The following FHIT variants were observed in gnomAD, a reference collection of about 807,000 sequenced individuals.
FHIT encodes the protein bis(5'-adenosyl)-triphosphatase.
In FHIT, 19 loss-of-function variants were observed where a neutral mutation model predicts 17.9. That is an observed-to-expected ratio of 1.06 (90% CI 0.74 to 1.56). The LOEUF (loss-of-function observed/expected upper bound fraction) is 1.56. FHIT is among the 40% of genes most tolerant of loss of function. The pLI is 0.00. For missense variants in FHIT, 248 were observed against 189.2 expected (o/e 1.31, Z -1.82); for synonymous variants, 81 against 69.7 (o/e 1.16, Z -0.81).
chr3:60,322,135 AACAGCTT>A (rs1342551569), intron 5 of FHIT, among the ~76,000 whole-genome samples: 1 of 152,236 alleles, frequency 6.6e-6, no homozygotes, highest in Non-Finnish European at 1.5e-5. Flanking sequence ...CCGTGGGCCC[AACAGCTT>A]ATTTTCATTA....
At chr3:60,361,753 T>C (rs976665515) in intron 5 of FHIT, among the ~76,000 whole-genome samples, 1 of 152,124 alleles carries the variant, frequency 6.6e-6, no homozygotes, top group East Asian at 1.9e-4. Flanking sequence ...CTTAGACCAT[T>C]TGAAATAAAA....
Position 60,129,049 on chromosome 3 carries a change from G to GTTGTTTTTTTTTTTTTT in FHIT, c.104-114898_104-114897insAAAAAAAAAAAAAACAA, listed in dbSNP as rs759645654. Among the ~76,000 whole-genome samples the GTTGTTTTTTTTTTTTTT allele has an allele frequency of 1.7e-5, 2 of 121,042 alleles. 1 individual carries two copies. 79.4% of individuals were successfully genotyped at this position (121,042 alleles called of 152,430 possible). ...TTTCCCTTTTCTTCTTTCCTTTTTT[G>GTTGTTTTTTTTTTTTTT]TTTGTTTTTTTTTTTTTTTTTGAAA... On this transcript the variant is annotated intron_variant, in intron 5 of 9. Transcript: ENST00000492590.
intron 5 of FHIT, among the ~76,000 whole-genome samples, chr3:60,108,954 T>A (rs530930579): frequency 1.3e-5 from 2 of 152,174 alleles, no homozygotes; most frequent in African/African-American, 4.8e-5. Context: ...TGAGCCACCA[T>A]GCCCAGCCAT....
chr3:60,549,372 T>C (rs2036472074), intron 4 of FHIT, among the ~76,000 whole-genome samples: 1 of 152,176 alleles, frequency 6.6e-6, no homozygotes, highest in South Asian at 2.1e-4. Flanking sequence ...GCAATTTATA[T>C]GATATGTTAC....
chr3:60,758,081 T>C (rs966396880), intron 4 of FHIT, among the ~76,000 whole-genome samples: 1 of 152,106 alleles, frequency 6.6e-6, no homozygotes, highest in South Asian at 2.1e-4. Flanking sequence ...AGGATATTAG[T>C]CCCTCAGCAC....
At chr3:61,182,144 A>T (rs2038362615) in intron 2 of FHIT, among the ~76,000 whole-genome samples, 1 of 152,202 alleles carries the variant, frequency 6.6e-6, no homozygotes, top group African/African-American at 2.4e-5. Flanking sequence ...ACATGGGTGA[A>T]TCACAGTCCT....
intron 7 of FHIT, among the ~76,000 whole-genome samples, chr3:59,929,183 T>C (rs1237905171): frequency 6.6e-6 from 1 of 151,776 alleles, no homozygotes; most frequent in East Asian, 1.9e-4. Flanking sequence ...TTCCAGCAAT[T>C]TGTTATAGCA....
rs550310596 is a variant in FHIT at position 60,139,706 on chromosome 3, C to T, written c.104-125554G>A. 7.2e-5 allele frequency among the ~76,000 whole-genome samples: 11 copies of T among 152,092 alleles called. No individual in the cohort carries two copies. The East Asian group carries it at 7.7e-4, about 11-fold the overall frequency. On this transcript the variant is annotated intron_variant, in intron 5 of 9. Coordinates refer to ENST00000492590, the MANE Select transcript of FHIT (RefSeq NM_002012.4). Reference sequence around the variant, plus strand: ...CATAGCACAGTGCCTGGCCCATAAACGAAAGCTCCAGAAATACGTGTTGTA... The same window carrying T: ...CATAGCACAGTGCCTGGCCCATAAATGAAAGCTCCAGAAATACGTGTTGTA...
intron 3 of FHIT, among the ~76,000 whole-genome samples, chr3:60,869,814 A>T (rs781829180): frequency 1.5e-4 from 23 of 152,050 alleles, no homozygotes; most frequent in Admixed American, 1.3e-4. Flanking sequence ...GTCTCATCCA[A>T]CTTCTCCCTT....
At chr3:60,489,264 C>T (rs536439613) in intron 5 of FHIT, among the ~76,000 whole-genome samples, 1 of 152,222 alleles carries the variant, frequency 6.6e-6, no homozygotes, top group Non-Finnish European at 1.5e-5. Context: ...AGTTGCAATT[C>T]ACAGAGGTGG....
At chr3:61,111,361 T>C (rs1300427089) in intron 2 of FHIT, among the ~76,000 whole-genome samples, 1 of 152,178 alleles carries the variant, frequency 6.6e-6, no homozygotes, top group African/African-American at 2.4e-5. Context: ...TCTCATTTTT[T>C]TTCATCTATA....
intron 6 of FHIT, 86 bp downstream of exon 6, chr3:60,013,921 C>T (rs2106696657): frequency 7.3e-7 from 1 of 1,374,344 alleles, no homozygotes; most frequent in Admixed American, 1.9e-5. Context: ...CACATCTGCC[C>T]TCCTGGTAAG....
intron 5 of FHIT, among the ~76,000 whole-genome samples, chr3:60,393,297 T>C (rs1701304086): frequency 6.6e-6 from 1 of 152,020 alleles, no homozygotes; most frequent in Admixed American, 6.6e-5. Flanking sequence ...AAAAAATTTA[T>C]CTTTCAATTC....
intron 3 of FHIT, among the ~76,000 whole-genome samples, chr3:60,836,657 A>G (rs548807737): frequency 5.9e-5 from 9 of 152,174 alleles, no homozygotes; most frequent in African/African-American, 2.2e-4. Context: ...ATGCAGGTCC[A>G]GATGCCCACT....
At chr3:60,574,757 G>C (rs1429518433) in intron 4 of FHIT, among the ~76,000 whole-genome samples, 1 of 152,002 alleles carries the variant, frequency 6.6e-6, no homozygotes, top group Admixed American at 6.6e-5. Context: ...TATTTATAGA[G>C]TGCTCCCTGC....
intron 5 of FHIT, among the ~76,000 whole-genome samples, chr3:60,053,142 C>T (rs1701950157): frequency 6.6e-6 from 1 of 151,594 alleles, no homozygotes; most frequent in African/African-American, 2.4e-5. Context: ...ATGTGTTTTC[C>T]CTCTTTCTTA....
intron 8 of FHIT, among the ~76,000 whole-genome samples, chr3:59,910,952 T>C (rs73102598): frequency 1.3e-5 from 2 of 152,176 alleles, no homozygotes; most frequent in Non-Finnish European, 2.9e-5. Context: ...AAATTAGAAT[T>C]CATTCCAAAC....
intron 5 of FHIT, among the ~76,000 whole-genome samples, chr3:60,229,727 T>C (rs910040266): frequency 6.6e-6 from 1 of 152,182 alleles, no homozygotes; most frequent in Non-Finnish European, 1.5e-5. Flanking sequence ...CACTTACGTA[T>C]AATCCCAGCA....
Position 60,112,319 on chromosome 3 carries a change from T to C in FHIT, c.104-98167A>G, listed in dbSNP as rs149099056. On this transcript the variant is annotated intron_variant, in intron 5 of 9. Transcript: ENST00000492590. Reference sequence around the variant, plus strand: ...TCCTCCTGAAGCTGTCTTGGAGCCATAGTAAAATCAAGAACTTGTCACCAT... The same window carrying C: ...TCCTCCTGAAGCTGTCTTGGAGCCACAGTAAAATCAAGAACTTGTCACCAT... Among the ~76,000 whole-genome samples, 52 of 152,280 alleles carry C rather than the reference T, an allele frequency of 3.4e-4. 1 individual carries two copies. The East Asian group carries it at 9.9e-3, about 29-fold the overall frequency.
Sources: gnomAD v4.1 joint callset for allele counts (sites outside exome capture counted in the v4.1 genomes callset) on GRCh38, gnomAD v4.1.1 for gene constraint, MANE v1.5 for transcripts, NCBI Gene and HGNC (gene_info 2026-07-23, HGNC 2026-07-21) for gene names.